Variants in BLNK observed in about 807,000 individuals in gnomAD.
BLNK encodes B-cell linker protein.
A neutral mutation model predicts 73.5 loss-of-function variants in BLNK; 29 were observed. The ratio of observed to expected loss-of-function variants is 0.39; its 90% confidence interval spans 0.29 to 0.54. The LOEUF (loss-of-function observed/expected upper bound fraction) is 0.54. BLNK is among the 20% of genes least tolerant of loss of function. BLNK has a pLI of 0.61. For synonymous variants in BLNK, 176 were observed against 200.8 expected (o/e 0.88, Z 1.04); for missense variants, 460 against 562.8 (o/e 0.82, Z 1.85).
chr10:96,267,477 A>G (rs1844057929), intron 1 of BLNK, among the ~76,000 whole-genome samples: 2 of 152,150 alleles, frequency 1.3e-5, no homozygotes, highest in African/African-American at 4.8e-5. Context: ...AAGAAGGTGA[A>G]TTTGTTTCTG....
intron 1 of BLNK, among the ~76,000 whole-genome samples, chr10:96,260,167 G>A (rs781913718): frequency 1.3e-5 from 2 of 152,136 alleles, no homozygotes; most frequent in Non-Finnish European, 2.9e-5. Context: ...CATAAAAGCA[G>A]ATTGCAAAAA....
intron 1 of BLNK, among the ~76,000 whole-genome samples, chr10:96,270,360 A>G (rs752275392): frequency 2.0e-5 from 3 of 152,216 alleles, no homozygotes; most frequent in Non-Finnish European, 4.4e-5. Flanking sequence ...CTTGTCTGCT[A>G]CATGTGTCAC....
intron 6 of BLNK, 30 bp from the exon 7 acceptor site, chr10:96,216,764 A>C: frequency 6.4e-7 from 1 of 1,573,668 alleles, no homozygotes; most frequent in Non-Finnish European, 8.7e-7. Context: ...GAATGAGAAG[A>C]ATGCTGTACA....
At chr10:96,196,537 T>C (rs1004838039) in intron 16 of BLNK, among the ~76,000 whole-genome samples, 5 of 152,230 alleles carry the variant, frequency 3.3e-5, no homozygotes, top group Non-Finnish European at 7.3e-5. Flanking sequence ...CCTTGGTACT[T>C]GAGTTGAGAT....
chr10:96,206,447 G>T (rs897467721), intron 11 of BLNK, among the ~76,000 whole-genome samples: 3 of 151,178 alleles, frequency 2.0e-5, no homozygotes, highest in Non-Finnish European at 2.9e-5. Flanking sequence ...TACTCAGGAG[G>T]CTGAGGCAGA....
intron 4 of BLNK, among the ~76,000 whole-genome samples, chr10:96,229,396 A>G (rs1275894419): frequency 6.6e-6 from 1 of 152,110 alleles, no homozygotes; most frequent in Non-Finnish European, 1.5e-5. Context: ...ACAAGCCTGG[A>G]TTTCATTCTG....
chr10:96,198,991 G>A (rs190132795), intron 15 of BLNK, among the ~76,000 whole-genome samples: 290 of 152,258 alleles, frequency 1.9e-3, no homozygotes, highest in African/African-American at 6.7e-3. Context: ...AAGCCACTGC[G>A]CCTGGCTGAG....
intron 9 of BLNK, among the ~76,000 whole-genome samples, chr10:96,208,497 C>A (rs1404368041): frequency 6.6e-6 from 1 of 152,164 alleles, no homozygotes; most frequent in Non-Finnish European, 1.5e-5. Context: ...CCTGAAGGTA[C>A]TTGCCTGCAC....
chr10:96,252,218 AT>A (rs1554909344), intron 1 of BLNK, among the ~76,000 whole-genome samples: 1 of 151,748 alleles, frequency 6.6e-6, no homozygotes, highest in East Asian at 1.9e-4. Context: ...TGCCGGGCTA[AT>A]TTTTTGTATT....
intron 5 of BLNK, among the ~76,000 whole-genome samples, chr10:96,225,374 G>A (rs587742719): frequency 2.7e-4 from 41 of 152,262 alleles, no homozygotes. Flanking sequence ...TCGCCTCTAT[G>A]CTCCTGGTGC....
chr10:96,210,921 T>C (rs905873122), intron 8 of BLNK, among the ~76,000 whole-genome samples: 3 of 141,930 alleles, frequency 2.1e-5, no homozygotes, highest in Non-Finnish European at 4.5e-5. Flanking sequence ...CAGGCTGGAG[T>C]GCAGTGGGGA....
intron 6 of BLNK, among the ~76,000 whole-genome samples, chr10:96,223,098 T>G (rs1028442875): frequency 1.3e-5 from 2 of 152,050 alleles, no homozygotes; most frequent in African/African-American, 4.8e-5. Flanking sequence ...AGAGGCAAAA[T>G]GGCAGCGTTT....
chr10:96,200,209 A>G lies in BLNK; in HGVS notation c.1012-51T>C. On this transcript the variant is annotated intron_variant, in intron 14 of 16. Coordinates refer to ENST00000224337, the MANE Select transcript of BLNK (RefSeq NM_013314.4). The surrounding 1 kb of genome is among the most constrained non-coding windows in gnomAD (Gnocchi z 4.3). ...CATGGGATGGTCCCTACTTAACTCT[A>G]ATTTCTGTGTACTAGAAACAAAGAC... 6.7e-7 allele frequency: 1 copy of G among 1,494,386 alleles called. No homozygotes were observed. Among genetic ancestry groups the G allele is most frequent in the Non-Finnish European group, 9.3e-7 (1 of 1,072,708 alleles). 92.6% of individuals were successfully genotyped at this position (1,494,386 alleles called of 1,614,324 possible). A position where few individuals can be genotyped will look rare whatever the true frequency, so the allele number is the denominator to read the frequency against.
chr10:96,200,905 G>T lies in BLNK; in HGVS notation c.1011+77C>A, dbSNP rs2083614644. ...TCTGTTCTCAAGGTTCACTCCAAATGTCTTCTTCTCAGAAGACATGCTCTT... is the reference window on the plus strand; with the variant it reads ...TCTGTTCTCAAGGTTCACTCCAAATTTCTTCTTCTCAGAAGACATGCTCTT... On this transcript the variant is annotated intron_variant, in intron 14 of 16. Transcript: ENST00000224337. This position sits in a 1 kb window ranked among gnomAD's most constrained non-coding sequence, Gnocchi z 4.3. 4 of 1,305,710 alleles carry T rather than the reference G, an allele frequency of 3.1e-6. No homozygotes were observed. The highest frequency in any genetic ancestry group is 4.4e-6 in the Non-Finnish European group (4 of 899,386). 80.9% of individuals were successfully genotyped at this position (1,305,710 alleles called of 1,614,324 possible).
At position 96,190,269 on chromosome 10, in the gene BLNK, G is replaced by T. The variant is rs1184541485; in HGVS notation, c.*1704C>A. On this transcript the variant is annotated 3_prime_UTR_variant, in exon 17 of 17. Transcript: ENST00000224337. ...GGAGAGAAAGCAGACGGAGATAAAC[G>T]ACCACTGCTCAAGAGAACAGCCATA... The T allele has an allele frequency of 7.1e-6, 5 of 708,076 alleles. No homozygotes were observed. Among genetic ancestry groups the T allele is most frequent in the South Asian group, 2.8e-5 (2 of 71,110 alleles). 43.9% of individuals were successfully genotyped at this position (708,076 alleles called of 1,614,324 possible).
Position 96,200,254 on chromosome 10 carries a change from A to G in BLNK, c.1012-96T>C. ...AAAGACCCATTTGCATTATCAAGAC[A>G]GGCCTCTACATTTACACCAATAATT... On this transcript the variant is annotated intron_variant, in intron 14 of 16. Transcript: ENST00000224337. This position sits in a 1 kb window ranked among gnomAD's most constrained non-coding sequence, Gnocchi z 4.3. 3.4e-6 allele frequency: 3 copies of G among 880,154 alleles called. No homozygotes were observed. The highest frequency in any genetic ancestry group is 2.5e-5 in the East Asian group (1 of 39,266). The allele number at this position is 880,154 out of a possible 1,614,324, so 54.5% of individuals were successfully genotyped here. A position where few individuals can be genotyped will look rare whatever the true frequency, so the allele number is the denominator to read the frequency against.
At chr10:96,212,894 T>C (rs894187072) in intron 8 of BLNK, among the ~76,000 whole-genome samples, 5 of 152,228 alleles carry the variant, frequency 3.3e-5, no homozygotes, top group African/African-American at 4.8e-5. Context: ...ACTCGGACTG[T>C]TTAGGCTTGT....
At chr10:96,197,621 T>C (rs2133934453) in intron 15 of BLNK, among the ~76,000 whole-genome samples, 1 of 152,270 alleles carries the variant, frequency 6.6e-6, no homozygotes, top group East Asian at 1.9e-4. Flanking sequence ...ATCAAACAAA[T>C]TCCATTCATA....
chr10:96,254,353 T>C (rs1166081579), intron 1 of BLNK, among the ~76,000 whole-genome samples: 2 of 152,184 alleles, frequency 1.3e-5, no homozygotes, highest in African/African-American at 4.8e-5. Context: ...TGGCCAGGCA[T>C]TCACCTTTAC....
Sources: gnomAD v4.1 joint callset for allele counts (sites outside exome capture counted in the v4.1 genomes callset) on GRCh38, gnomAD v4.1.1 for gene constraint, Gnocchi (gnomAD v3.1) non-coding constraint, MANE v1.5 for transcripts, NCBI Gene and HGNC (gene_info 2026-07-23, HGNC 2026-07-21) for gene names.